The following H3C4 variants were observed in gnomAD, a reference collection of about 807,000 sequenced individuals.
H3C4 encodes the protein histone H3.1.
H3C4 carries 10 observed loss-of-function variants against 8.7 expected under a neutral mutation model. The observed-to-expected ratio is 1.15, with a 90% CI of 0.71 to 1.96. H3C4 has a LOEUF of 1.96. Ranked by LOEUF, H3C4 falls within the 30% of genes most tolerant of loss-of-function variation. H3C4 has a pLI of 0.00. For synonymous variants in H3C4, 141 were observed against 80.1 expected, an observed-to-expected ratio of 1.76 and a Z score of -4.06; for missense variants, 216 against 192.9, an observed-to-expected ratio of 1.12 and a Z score of -0.71.
rs1206226675 is a variant in H3C4, at chr6:26,197,160, G to A, written c.91C>T (p.Pro31Ser). The A allele has an allele frequency of 1.2e-5, 20 of 1,614,054 alleles. No homozygotes were observed. The highest frequency in any genetic ancestry group is 1.6e-5 in the Non-Finnish European group (19 of 1,180,032). Reference sequence around the variant, plus strand: ...GGCTTCTTCACGCCGCCGGTGGCTGGAGCGCTCTTTCGAGCAGCCTTGGTG... The same window carrying A: ...GGCTTCTTCACGCCGCCGGTGGCTGAAGCGCTCTTTCGAGCAGCCTTGGTG... ...LATKAARKSA[P>S]ATGGVKKPHR... The change falls in exon 1 of 1, where the codon CCA (proline) becomes TCA (serine). Residue 31 changes from proline (P) to serine (S), a missense_variant. By Grantham distance (74) the Pro-to-Ser change is moderately conservative. Transcript: ENST00000356476.
chr6:26,199,239 G>T (rs750001226), upstream of H3C4: 1 of 1,594,762 alleles, frequency 6.3e-7, no homozygotes, highest in African/African-American at 1.4e-5. Flanking sequence ...GCCGCGTCCG[G>T]ACATTTTGAA....
At position 26,196,976 on chromosome 6, in the gene H3C4, G is replaced by A. The variant is rs1204388524; in HGVS notation, c.275C>T (p.Ala92Val). The A allele has an allele frequency of 1.2e-6, 2 of 1,614,108 alleles. No individual in the cohort carries two copies. The highest frequency in any genetic ancestry group is 1.3e-5 in the African/African-American group (1 of 74,938). ...DLRFQSSAVM[A>V]LQEACEAYLV... Reference sequence around the variant, plus strand: ...GTAGGCCTCGCAGGCCTCCTGCAGCGCCATCACCGCCGAGCTCTGAAAACG... The same window carrying A: ...GTAGGCCTCGCAGGCCTCCTGCAGCACCATCACCGCCGAGCTCTGAAAACG... The change falls in exon 1 of 1, where the codon GCG (alanine) becomes GTG (valine). Residue 92 changes from alanine to valine, a missense_variant. Ala to Val is a moderately conservative substitution (Grantham distance 64). Transcript: ENST00000356476.
In H3C4 at chr6:26,196,983, C is replaced by T. The variant is rs1281998710; in HGVS notation, c.268G>A (p.Val90Met). 20 of 1,614,126 alleles carry T rather than the reference C, an allele frequency of 1.2e-5. No individual in the cohort carries two copies. The highest frequency in any genetic ancestry group is 1.7e-5 in the Non-Finnish European group (20 of 1,180,048). The change falls in exon 1 of 1, where the codon GTG becomes ATG. Residue 90 changes from valine (V) to methionine (M), a missense_variant. Physicochemically the swap from Val to Met is conservative, Grantham distance 21. Transcript: ENST00000356476. ...TCGCAGGCCTCCTGCAGCGCCATCA[C>T]CGCCGAGCTCTGAAAACGCAGATCA... is the stretch of plus-strand genomic sequence containing the variant. ...KTDLRFQSSA[V>M]MALQEACEAY...
At chr6:26,199,279 C>G, upstream of H3C4, 1 of 1,576,658 alleles carries the variant, frequency 6.3e-7, no homozygotes, top group Non-Finnish European at 8.6e-7. Context: ...GCAATGAAGA[C>G]AAAAATGTAA....
chr6:26,198,804 C>T, upstream of H3C4: 2 of 1,582,542 alleles, frequency 1.3e-6, no homozygotes, highest in African/African-American at 2.7e-5. Context: ...TGAAAAGAGC[C>T]TTTGTTAAGA....
rs1764988908 is a variant in H3C4 at position 26,197,131 on chromosome 6, G to A, written c.120C>T (p.His40=). The A allele has an allele frequency of 6.2e-7, 1 of 1,614,220 alleles. No homozygotes were observed. The highest frequency in any genetic ancestry group is 1.3e-5 in the African/African-American group (1 of 75,076). Reference sequence around the variant, plus strand: ...GAGCCACCGTGCCGGGCCGGTAACGGTGGGGCTTCTTCACGCCGCCGGTGG... The same window carrying A: ...GAGCCACCGTGCCGGGCCGGTAACGATGGGGCTTCTTCACGCCGCCGGTGG... The part of the protein sequence containing the change: ...APATGGVKKP[H]RYRPGTVALR... The change falls in exon 1 of 1, where the codon CAC becomes CAT. Residue 40 remains histidine (H), a synonymous_variant. Transcript: ENST00000356476.
At chr6:26,198,832 C>A (rs932119618), upstream of H3C4, 1 of 1,606,338 alleles carries the variant, frequency 6.2e-7, no homozygotes, top group Non-Finnish European at 8.5e-7. Context: ...CTTAAAAAGC[C>A]AATATAAGAG....
upstream of H3C4, among the ~76,000 whole-genome samples, chr6:26,197,680 C>T (rs187053154): frequency 6.6e-6 from 1 of 152,108 alleles, no homozygotes; most frequent in African/African-American, 2.4e-5. Context: ...AGGTTAATTT[C>T]ATATCTTGAT....
In H3C4 at chr6:26,196,924, G is replaced by GT; in HGVS notation, c.326dup (p.Asn109LysfsTer37). On this transcript the variant is annotated frameshift_variant, in exon 1 of 1. Transcript: ENST00000356476. LOFTEE classifies it high-confidence loss of function. The stretch of plus-strand genomic sequence containing the variant: ...CTCGCTTGGCGTGAATGGCGCATAG[G>GT]TTGGTGTCCTCAAACAGCCCCACCA... 1 of 1,614,226 alleles carries GT rather than the reference G, an allele frequency of 6.2e-7. No homozygotes were observed. The highest frequency in any genetic ancestry group is 8.5e-7 in the Non-Finnish European group (1 of 1,180,030).
chr6:26,198,401 G>GACTC (rs1452218513), upstream of H3C4, among the ~76,000 whole-genome samples: 1 of 152,144 alleles, frequency 6.6e-6, no homozygotes, highest in Non-Finnish European at 1.5e-5. Context: ...GCGCGATCTC[G>GACTC]ACTCACTGCA....
At chr6:26,198,386 C>T (rs1020359734), upstream of H3C4, among the ~76,000 whole-genome samples, 2 of 152,206 alleles carry the variant, frequency 1.3e-5, no homozygotes, top group African/African-American at 4.8e-5. Context: ...AACTGGAGTG[C>T]AGTGGCGCGA....
chr6:26,196,830 A>G lies in H3C4; in HGVS notation c.*10T>C, dbSNP rs779461905. 3 of 1,614,142 alleles carry G rather than the reference A, an allele frequency of 1.9e-6. No homozygotes were observed. The highest frequency in any genetic ancestry group is 1.1e-5 in the South Asian group (1 of 91,086). On this transcript the variant is annotated 3_prime_UTR_variant, in exon 1 of 1. Coordinates refer to ENST00000356476, the MANE Select transcript of H3C4 (RefSeq NM_001376937.1). ...TTTGGGTTTTGGTTAGCACACATTC[A>G]CAAGACAATTTACGCCCTCTCCCCA...
upstream of H3C4, among the ~76,000 whole-genome samples, chr6:26,197,552 CGT>C (rs891317496): frequency 1.4e-4 from 22 of 151,916 alleles, no homozygotes; most frequent in African/African-American, 5.3e-4. Context: ...ACTAGGATGA[CGT>C]GTCTTAATTT....
At chr6:26,198,705 C>T (rs1040152465), upstream of H3C4, 12 of 757,806 alleles carry the variant, frequency 1.6e-5, no homozygotes, top group African/African-American at 3.6e-5. Flanking sequence ...AGAACACCCA[C>T]TTATAAATGG....
chr6:26,198,953 C>T (rs1022483294), upstream of H3C4: 3 of 1,614,256 alleles, frequency 1.9e-6, no homozygotes, highest in African/African-American at 2.7e-5. Flanking sequence ...CTTTACCCAG[C>T]AACTTGTTTA....
Position 26,197,254 on chromosome 6 carries a change from G to A in H3C4, c.-4C>T, listed in dbSNP as rs200288167. 387 of 1,608,776 alleles carry A rather than the reference G, an allele frequency of 2.4e-4. No individual in the cohort carries two copies. Among genetic ancestry groups the A allele is most frequent in the Non-Finnish European group, 2.6e-4 (309 of 1,178,734 alleles). ...CAGTCTGCTTGGTACGAGCCATTGC[G>A]AACTTCTAAACCCTGCTAAATGACG... On this transcript the variant is annotated 5_prime_UTR_variant, in exon 1 of 1. Coordinates refer to ENST00000356476, the MANE Select transcript of H3C4 (RefSeq NM_001376937.1).
chr6:26,199,104 C>A (rs781708498), upstream of H3C4: 3 of 1,614,072 alleles, frequency 1.9e-6, no homozygotes, highest in African/African-American at 1.3e-5. Flanking sequence ...CACTGGCGCG[C>A]CGGCCCCGAC....
chr6:26,197,351 T>A (rs1764999441), upstream of H3C4: 33 of 1,281,626 alleles, frequency 2.6e-5, no homozygotes, highest in South Asian at 4.5e-4. Flanking sequence ...CAAGGCAGCC[T>A]TTCCCCTGCA....
At chr6:26,199,179 G>C (rs752238251), upstream of H3C4, 8 of 1,613,962 alleles carry the variant, frequency 5.0e-6, no homozygotes, top group South Asian at 7.7e-5. Flanking sequence ...CTGGAGTCCG[G>C]CCCGCGAAGA....
Sources: gnomAD v4.1 joint callset for allele counts (sites outside exome capture counted in the v4.1 genomes callset) on GRCh38, gnomAD v4.1.1 for gene constraint, MANE v1.5 for transcripts, NCBI Gene and HGNC (gene_info 2026-07-23, HGNC 2026-07-21) for gene names.